HOXC4: variants seen among roughly 807,000 people sequenced by gnomAD.
HOXC4 encodes the protein homeobox protein Hox-C4.
HOXC4 carries 15 observed loss-of-function variants against 25.5 expected under a neutral mutation model. That is an observed-to-expected ratio of 0.59 (90% CI 0.39 to 0.91). The LOEUF (loss-of-function observed/expected upper bound fraction) is 0.91. HOXC4 is among the 40% of genes least tolerant of loss of function. The probability of loss-of-function intolerance (pLI) is 0.00; values close to 1 mark genes in which losing one functional copy is unlikely to be tolerated. For missense variants in HOXC4, 342 were observed against 352.4 expected (o/e 0.97, Z 0.24); for synonymous variants, 165 against 148.0 (o/e 1.11, Z -0.83).
At chr12:54,026,260 C>A (rs1940692707) in intron 1 of HOXC4, among the ~76,000 whole-genome samples, 1 of 152,090 alleles carries the variant, frequency 6.6e-6, no homozygotes, top group Admixed American at 6.5e-5. Flanking sequence ...CTAGCTCAGT[C>A]CCCAGAGTAC....
intron 1 of HOXC4, among the ~76,000 whole-genome samples, chr12:54,048,761 A>G (rs1275474050): frequency 6.6e-6 from 1 of 152,172 alleles, no homozygotes; most frequent in African/African-American, 2.4e-5. Flanking sequence ...ATAAACTCTT[A>G]AAAGTGTTTC....
chr12:54,029,792 C>T (rs139697680), intron 1 of HOXC4: 63 of 1,613,966 alleles, frequency 3.9e-5, no homozygotes, highest in Non-Finnish European at 4.8e-5. Flanking sequence ...CGCGCTTTGC[C>T]TGACCGAGCG....
upstream of HOXC4, among the ~76,000 whole-genome samples, chr12:54,048,842 A>T (rs78754874): frequency 4.2e-3 from 640 of 152,310 alleles, no homozygotes; most frequent in Middle Eastern, 0.01. Context: ...ACCTAAGGCC[A>T]GCCTGATTTC....
At chr12:54,018,671 T>C (rs1161252819) in intron 1 of HOXC4, among the ~76,000 whole-genome samples, 1 of 152,200 alleles carries the variant, frequency 6.6e-6, no homozygotes, top group Non-Finnish European at 1.5e-5. Context: ...GGTCCGAGGC[T>C]CCGAGGCGGC....
At chr12:54,034,424 A>C in intron 1 of HOXC4, 13 of 1,614,266 alleles carry the variant, frequency 8.1e-6, no homozygotes, top group Non-Finnish European at 1.0e-5. Context: ...ACAGATCAAG[A>C]TCTGGTTCCA....
chr12:54,038,020 T>G (rs1174075937), intron 1 of HOXC4: 1 of 152,022 alleles, frequency 6.6e-6, no homozygotes, highest in African/African-American at 2.4e-5. Flanking sequence ...ACGCTGTGAG[T>G]TAATTCTCTC....
intron 1 of HOXC4, among the ~76,000 whole-genome samples, chr12:54,045,355 A>T (rs954590289): frequency 6.6e-6 from 1 of 152,246 alleles, no homozygotes; most frequent in Admixed American, 6.5e-5. Flanking sequence ...GCACTTTACC[A>T]ATCTTTCTAT....
chr12:54,019,305 C>G (rs544347113), intron 1 of HOXC4, among the ~76,000 whole-genome samples: 3 of 152,112 alleles, frequency 2.0e-5, no homozygotes, highest in Non-Finnish European at 4.4e-5. Flanking sequence ...GCCGCCTGCT[C>G]AGGCTGCCGC....
chr12:54,033,465 A>G (rs1233466273), intron 1 of HOXC4: 1 of 1,599,060 alleles, frequency 6.3e-7, no homozygotes, highest in Non-Finnish European at 8.5e-7. Context: ...AGCTAAGAGC[A>G]GTGGGGAGAT....
chr12:54,051,096 T>G (rs746289319), upstream of HOXC4, among the ~76,000 whole-genome samples: 2 of 151,886 alleles, frequency 1.3e-5, no homozygotes, highest in South Asian at 4.2e-4. Flanking sequence ...AGGGTGAAGA[T>G]TGAAGAAAAG....
intron 1 of HOXC4, among the ~76,000 whole-genome samples, chr12:54,037,159 G>A (rs186331829): frequency 1.4e-4 from 21 of 152,318 alleles, no homozygotes; most frequent in Non-Finnish European, 2.4e-4. Flanking sequence ...AGCATCGTCG[G>A]GAGTCAGCGG....
chr12:54,043,302 T>A (rs939524783), intron 1 of HOXC4, among the ~76,000 whole-genome samples: 1 of 152,068 alleles, frequency 6.6e-6, no homozygotes, highest in African/African-American at 2.4e-5. Flanking sequence ...CTGGGTGAAA[T>A]GTGTAGCCTG....
At chr12:54,047,376 C>T (rs991225036) in intron 1 of HOXC4, among the ~76,000 whole-genome samples, 2 of 152,366 alleles carry the variant, frequency 1.3e-5, no homozygotes, top group Middle Eastern at 3.4e-3. Flanking sequence ...GAGCCGGTCT[C>T]CCGAGCACCG....
intron 1 of HOXC4, among the ~76,000 whole-genome samples, chr12:54,018,273 A>T (rs1173297869): frequency 6.6e-6 from 1 of 152,026 alleles, no homozygotes; most frequent in Non-Finnish European, 1.5e-5. Flanking sequence ...CGGCCATCCC[A>T]GCCGGGATGC....
intron 1 of HOXC4, chr12:54,030,123 C>A (rs746975549): frequency 3.0e-6 from 2 of 656,476 alleles, no homozygotes; most frequent in Non-Finnish European, 5.1e-6. Flanking sequence ...CAGCTCTGGA[C>A]CCCCTCCCTC....
At chr12:54,046,949 G>A (rs902493981) in intron 1 of HOXC4, among the ~76,000 whole-genome samples, 5 of 152,216 alleles carry the variant, frequency 3.3e-5, no homozygotes, top group Non-Finnish European at 5.9e-5. Flanking sequence ...CTGGGCTGTG[G>A]AGCGAAAGTC....
At position 54,054,212 on chromosome 12, in the gene HOXC4, T is replaced by G; in HGVS notation, c.290T>G (p.Leu97Arg). 1.2e-6 allele frequency: 2 copies of G among 1,609,510 alleles called. No homozygotes were observed. Among genetic ancestry groups the G allele is most frequent in the Non-Finnish European group, 1.7e-6 (2 of 1,178,536 alleles). The change falls in exon 1 of 2, where the codon CTC becomes CGC. Residue 97 changes from leucine to arginine, a missense_variant. Transcript: ENST00000430889. ...GHHHPEKSQS[L>R]CEPAPLSGAS... is the part of the protein sequence containing the mutation. ...CACCACCCCGAGAAATCACAGTCGC[T>G]CTGCGAGCCGGCGCCTCTCTCAGGC... is the stretch of plus-strand genomic sequence containing the variant.
chr12:54,035,704 G>A (rs1012902791), intron 1 of HOXC4, among the ~76,000 whole-genome samples: 1 of 152,178 alleles, frequency 6.6e-6, no homozygotes, highest in Non-Finnish European at 1.5e-5. Context: ...TGGCTCCACC[G>A]TGCTCAGCCT....
At chr12:54,047,627 TC>T in intron 1 of HOXC4, 1 of 152,648 alleles carries the variant, frequency 6.6e-6, no homozygotes, top group Non-Finnish European at 1.5e-5. Flanking sequence ...AGGCTGGGGG[TC>T]CCGGGTTCGG....
Sources: gnomAD v4.1 joint callset for allele counts (sites outside exome capture counted in the v4.1 genomes callset) on GRCh38, gnomAD v4.1.1 for gene constraint, MANE v1.5 for transcripts, NCBI Gene and HGNC (gene_info 2026-07-23, HGNC 2026-07-21) for gene names.